Variants in DNA2 observed in about 807,000 individuals in gnomAD.
The protein encoded by DNA2 is DNA replication ATP-dependent helicase/nuclease DNA2.
A neutral mutation model predicts 119.1 loss-of-function variants in DNA2; 101 were observed. The ratio of observed to expected loss-of-function variants is 0.85; its 90% CI spans 0.72 to 1.00. DNA2 has a LOEUF of 1.00. Among genes scored for constraint, DNA2 ranks in the 50% least tolerant of loss-of-function variants. The pLI, the probability that DNA2 is intolerant of heterozygous loss-of-function variation, is 0.00. For synonymous variants in DNA2, 366 were observed against 424.4 expected (o/e 0.86, Z 1.69); for missense variants, 1,121 against 1,255.5 (o/e 0.89, Z 1.62).
At chr10:68,465,269 G>A (rs551752011) in intron 4 of DNA2, among the ~76,000 whole-genome samples, 6 of 151,896 alleles carry the variant, frequency 4.0e-5, no homozygotes, top group South Asian at 4.2e-4. Context: ...CGCCCACCTC[G>A]GCCTCCCAAA....
intron 8 of DNA2, among the ~76,000 whole-genome samples, 162 bp downstream of exon 8, chr10:68,444,757 TGG>T: frequency 6.6e-6 from 1 of 150,784 alleles, no homozygotes. Flanking sequence ...GAAAGTACTG[TGG>T]TTTTTTTTCT....
intron 13 of DNA2, 46 bp downstream of exon 13, chr10:68,431,815 AG>A (rs1258856142): frequency 1.6e-6 from 2 of 1,274,272 alleles, no homozygotes; most frequent in Non-Finnish European, 2.3e-6. Flanking sequence ...ACTGAGGAGA[AG>A]CTGATACAAA....
chr10:68,431,625 T>C (rs1418300716), intron 13 of DNA2, among the ~76,000 whole-genome samples: 1 of 152,218 alleles, frequency 6.6e-6, no homozygotes, highest in Non-Finnish European at 1.5e-5. Flanking sequence ...CATATAGTGA[T>C]AAATATCACA....
At chr10:68,466,883 A>C (rs1564898862) in intron 3 of DNA2, among the ~76,000 whole-genome samples, 1 of 151,862 alleles carries the variant, frequency 6.6e-6, no homozygotes, top group Admixed American at 6.6e-5. Context: ...CCGGTCCAAA[A>C]AGTTTTTTAA....
At chr10:68,417,410 A>AC (rs1403383386) in intron 19 of DNA2, among the ~76,000 whole-genome samples, 2 of 149,588 alleles carry the variant, frequency 1.3e-5, no homozygotes, top group East Asian at 1.9e-4. Context: ...AAAAAAAAAA[A>AC]AACACTATTT....
chr10:68,430,670 G>C lies in DNA2; in HGVS notation c.1984-10C>G. 1 of 1,513,582 alleles carries C rather than the reference G, an allele frequency of 6.6e-7. No homozygotes were observed. The highest frequency in any genetic ancestry group is 8.8e-7 in the Non-Finnish European group (1 of 1,130,792). 93.8% of individuals were successfully genotyped at this position (1,513,582 alleles called of 1,614,324 possible). The stretch of plus-strand genomic sequence containing the variant: ...CGTAGAGAATTCTTACCTAATAATG[G>C]GTAAGAGAAAAAAGAAAAAACAGCC... On this transcript the variant is annotated splice_polypyrimidine_tract_variant and intron_variant, in intron 13 of 20. Transcript: ENST00000358410.
At position 68,440,683 on chromosome 10, in the gene DNA2, A is replaced by G. The variant is rs188601407; in HGVS notation, c.1415+2234T>C. ...AAAAATGAAAGCAATTAAATTTTAC[A>G]TATGTATAGTATACTCACTACACAT... On this transcript the variant is annotated intron_variant, in intron 9 of 20. Coordinates refer to ENST00000358410, the MANE Select transcript of DNA2 (RefSeq NM_001080449.3). Among the ~76,000 whole-genome samples the G allele has an allele frequency of 1.3e-3, 198 of 152,286 alleles. 1 individual carries two copies. The highest frequency in any genetic ancestry group is 0.01 in the Admixed American group (156 of 15,290).
chr10:68,417,617 C>T (rs893052206), intron 19 of DNA2, among the ~76,000 whole-genome samples: 2 of 144,198 alleles, frequency 1.4e-5, no homozygotes, highest in African/African-American at 5.1e-5. Context: ...TGTGCCATTG[C>T]ACTCCAGTCT....
intron 6 of DNA2, 97 bp downstream of exon 6, chr10:68,449,931 G>T: frequency 1.2e-6 from 1 of 860,784 alleles, no homozygotes; most frequent in East Asian, 2.7e-5. Context: ...CCAAGACCAC[G>T]CCACTGCTCT....
intron 14 of DNA2, 64 bp downstream of exon 14, chr10:68,430,372 T>C: frequency 8.3e-7 from 1 of 1,201,928 alleles, no homozygotes; most frequent in South Asian, 1.4e-5. Context: ...CAGAGTACAG[T>C]TTCTCCCCTC....
intron 9 of DNA2, among the ~76,000 whole-genome samples, 156 bp downstream of exon 9, chr10:68,442,761 T>C (rs2051986744): frequency 1.3e-5 from 2 of 152,214 alleles, no homozygotes; most frequent in African/African-American, 4.8e-5. Flanking sequence ...GTGCTCTTCT[T>C]AGAAACAATA....
chr10:68,467,452 A>T (rs1049943202), intron 3 of DNA2, among the ~76,000 whole-genome samples: 1 of 152,064 alleles, frequency 6.6e-6, no homozygotes, highest in Non-Finnish European at 1.5e-5. Flanking sequence ...TTAAAATAAA[A>T]CTGCATGTTT....
intron 20 of DNA2, 82 bp from the exon 21 acceptor site, chr10:68,415,189 T>G: frequency 1.1e-6 from 1 of 885,368 alleles, no homozygotes; most frequent in South Asian, 2.0e-5. Flanking sequence ...ATTTTGTAAT[T>G]TGACTTACAG....
At chr10:68,467,758 T>A (rs1163169223) in intron 3 of DNA2, among the ~76,000 whole-genome samples, 4 of 151,836 alleles carry the variant, frequency 2.6e-5, no homozygotes, top group Non-Finnish European at 5.9e-5. Flanking sequence ...AGTTTGCACA[T>A]TTATTTTTAG....
intron 5 of DNA2, among the ~76,000 whole-genome samples, chr10:68,456,606 G>A (rs1255510183): frequency 3.3e-5 from 5 of 151,956 alleles, no homozygotes; most frequent in Non-Finnish European, 5.9e-5. Context: ...TAGAGATGGT[G>A]TTCCACCATG....
rs771843442 is a variant in DNA2 at position 68,414,877 on chromosome 10, C to T, written c.*162G>A. 6 of 436,344 alleles carry T rather than the reference C, an allele frequency of 1.4e-5. No individual in the cohort carries two copies. The Admixed American group carries it at 1.6e-4, about 12-fold the overall frequency. The allele number at this position is 436,344 out of a possible 1,614,324, so 27.0% of individuals were successfully genotyped here. On this transcript the variant is annotated 3_prime_UTR_variant, in exon 21 of 21. Transcript: ENST00000358410. ...TCTTTCTCTAGGTTAGGCAAAAATG[C>T]ATGCATAGAACCCATAAATTCAGAC...
intron 4 of DNA2, 102 bp from the exon 5 acceptor site, chr10:68,459,337 C>CA: frequency 1.6e-6 from 2 of 1,213,712 alleles, no homozygotes. Context: ...TAAACGAGGA[C>CA]AAAAAAATAC....
intron 4 of DNA2, among the ~76,000 whole-genome samples, chr10:68,459,592 C>G (rs1264530070): frequency 6.6e-6 from 1 of 152,016 alleles, no homozygotes; most frequent in Non-Finnish European, 1.5e-5. Flanking sequence ...TTGTCAGAGG[C>G]TGGGAGGAGG....
chr10:68,446,900 C>CA (rs58895182), intron 6 of DNA2, among the ~76,000 whole-genome samples: 6,729 of 148,296 alleles, frequency 0.045, 172 homozygotes, highest in African/African-American at 0.061. Flanking sequence ...TATCAAGAAA[C>CA]AAAAAAAAAG....
Sources: gnomAD v4.1 joint callset for allele counts (sites outside exome capture counted in the v4.1 genomes callset) on GRCh38, gnomAD v4.1.1 for gene constraint, MANE v1.5 for transcripts, NCBI Gene and HGNC (gene_info 2026-07-23, HGNC 2026-07-21) for gene names.